OSBPL1A: variants seen among roughly 807,000 people sequenced by gnomAD.
OSBPL1A encodes oxysterol-binding protein-related protein 1.
In OSBPL1A, 80 loss-of-function variants were observed where a neutral mutation model predicts 137.1. That is an observed-to-expected ratio of 0.58 (90% CI 0.49 to 0.70). The LOEUF (loss-of-function observed/expected upper bound fraction) is 0.70. OSBPL1A is among the 30% of genes least tolerant of loss of function. OSBPL1A has a pLI of 0.00. For missense variants in OSBPL1A, 970 were observed against 1,129.4 expected, an observed-to-expected ratio of 0.86 and a Z score of 2.02; for synonymous variants, 365 against 389.7, an observed-to-expected ratio of 0.94 and a Z score of 0.75.
In OSBPL1A at chr18:24,164,720, A is replaced by G. The variant is rs567437556; in HGVS notation, c.2750+345T>C. ...TGGGATTACAGACGTGAGCCACTGC[A>G]CCCCGCCAGAGATTTCTTAAAAAAA... is the stretch of plus-strand genomic sequence containing the variant. On this transcript the variant is annotated intron_variant, in intron 27 of 27. Transcript: ENST00000319481. Among the ~76,000 whole-genome samples, 8 of 151,776 alleles carry G rather than the reference A, an allele frequency of 5.3e-5. No individual in the cohort carries two copies. The South Asian group carries it at 1.0e-3, about 20-fold the overall frequency.
At chr18:24,209,962 CT>C (rs2145965809) in intron 17 of OSBPL1A, among the ~76,000 whole-genome samples, 1 of 152,272 alleles carries the variant, frequency 6.6e-6, no homozygotes, top group Admixed American at 6.5e-5. Flanking sequence ...GTCCATGCAC[CT>C]GACAAAACTC....
At chr18:24,164,420 G>GTTTTTTT (rs35343209) in intron 27 of OSBPL1A, among the ~76,000 whole-genome samples, 2 of 95,972 alleles carry the variant, frequency 2.1e-5, no homozygotes, top group African/African-American at 4.7e-5. Context: ...GAGATTTTTG[G>GTTTTTTT]TTTTTTTTTT....
At chr18:24,253,340 A>G (rs945033176) in intron 15 of OSBPL1A, among the ~76,000 whole-genome samples, 2 of 152,192 alleles carry the variant, frequency 1.3e-5, no homozygotes, top group Non-Finnish European at 2.9e-5. Context: ...ATATCAGACA[A>G]AACAGATTCC....
At chr18:24,180,878 C>T (rs926159969) in intron 19 of OSBPL1A, among the ~76,000 whole-genome samples, 3 of 152,088 alleles carry the variant, frequency 2.0e-5, no homozygotes, top group African/African-American at 7.2e-5. Context: ...CTCTGTCTCA[C>T]ACACACACAA....
chr18:24,288,091 G>C (rs1042838378), intron 14 of OSBPL1A, among the ~76,000 whole-genome samples: 2 of 152,246 alleles, frequency 1.3e-5, no homozygotes, highest in Non-Finnish European at 2.9e-5. Flanking sequence ...AGAGTGGCTA[G>C]TGCTATGGTA....
At chr18:24,313,554 G>A (rs35784877) in intron 12 of OSBPL1A, among the ~76,000 whole-genome samples, 20,351 of 152,094 alleles carry the variant, frequency 0.13, 1,432 homozygotes, top group South Asian at 0.16. Context: ...CCATTGTAAT[G>A]AGTGTCAGAA....
At position 24,333,063 on chromosome 18, in the gene OSBPL1A, A is replaced by T. The variant is rs760945235; in HGVS notation, c.504T>A (p.Asp168Glu). The change falls in exon 7 of 28, where the codon GAT (aspartate) becomes GAA (glutamate). Residue 168 changes from aspartate (D) to glutamate (E), a missense_variant. By Grantham distance (45) the Asp-to-Glu change is conservative. Around this residue, in one of 2 missense-constraint regions of OSBPL1A, gnomAD observed 647 missense variants for 672.6 expected, o/e 0.96. Transcript: ENST00000319481. ...TTCCTAACTGATCCGAACAGTTAAC[A>T]TCAGGAGGATTGGGCCTGTTGAGCT... ...TALLNRPNPPDVNCSDQLGNT... is the reference protein window; with the variant it reads ...TALLNRPNPPEVNCSDQLGNT... 1.2e-6 allele frequency: 2 copies of T among 1,614,146 alleles called. No individual in the cohort carries two copies. The highest frequency in any genetic ancestry group is 1.7e-5 in the Admixed American group (1 of 60,018).
chr18:24,284,862 C>T (rs893439778), intron 14 of OSBPL1A, among the ~76,000 whole-genome samples: 4 of 152,172 alleles, frequency 2.6e-5, no homozygotes, highest in African/African-American at 9.7e-5. Context: ...TATTTTCTTT[C>T]AAGGCCTAGT....
rs370305202 is a variant in OSBPL1A, at chr18:24,341,602, A to G, written c.339T>C (p.Ser113=). ...YNADTTIVNG[S]GQTAKEVTHA... Reference sequence around the variant, plus strand: ...GAGTAACTTCTTTTGCTGTCTGTCCACTCCCATTAACAATAGTAGTATCAG... The same window carrying G: ...GAGTAACTTCTTTTGCTGTCTGTCCGCTCCCATTAACAATAGTAGTATCAG... Residue 113 remains serine, a synonymous_variant, in exon 5 of 28, where the codon AGT becomes AGC. Transcript: ENST00000319481. 1.1e-5 allele frequency: 17 copies of G among 1,613,098 alleles called. No homozygotes were observed. In the East Asian group the frequency reaches 1.1e-4, roughly 11 times the overall value.
intron 14 of OSBPL1A, among the ~76,000 whole-genome samples, chr18:24,284,607 A>C (rs962076797): frequency 2.1e-5 from 3 of 140,106 alleles, no homozygotes; most frequent in African/African-American, 7.8e-5. Context: ...TGTACAGACA[A>C]CCTCCACTGT....
chr18:24,198,794 G>A (rs1005324222), intron 17 of OSBPL1A, among the ~76,000 whole-genome samples: 7 of 151,886 alleles, frequency 4.6e-5, no homozygotes, highest in African/African-American at 9.7e-5. Context: ...CAGGCAGAGC[G>A]TTCCCGAGGG....
intron 13 of OSBPL1A, 123 bp downstream of exon 13, chr18:24,311,861 A>G: frequency 9.1e-7 from 1 of 1,103,780 alleles, no homozygotes; most frequent in Middle Eastern, 2.9e-4. Flanking sequence ...AGTGAAGAAC[A>G]GTACTATTTC....
At chr18:24,347,280 G>A (rs1183638908) in intron 4 of OSBPL1A, among the ~76,000 whole-genome samples, 8 of 152,056 alleles carry the variant, frequency 5.3e-5, no homozygotes, top group Admixed American at 1.3e-4. Context: ...AGCTTCAAGC[G>A]ATTCTCCTGC....
intron 26 of OSBPL1A, among the ~76,000 whole-genome samples, chr18:24,165,900 C>A (rs2145902545): frequency 6.6e-6 from 1 of 152,280 alleles, no homozygotes; most frequent in South Asian, 2.1e-4. Context: ...GGTCCAAGAC[C>A]AACCTGGCCA....
intron 4 of OSBPL1A, among the ~76,000 whole-genome samples, chr18:24,348,707 G>A (rs1307664471): frequency 8.5e-5 from 13 of 152,168 alleles, no homozygotes; most frequent in Non-Finnish European, 1.9e-4. Context: ...CTGGGAGGTA[G>A]AGGTTGCAGT....
chr18:24,250,258 CCT>C (rs1485076320), intron 15 of OSBPL1A, among the ~76,000 whole-genome samples: 2 of 151,512 alleles, frequency 1.3e-5, no homozygotes, highest in Non-Finnish European at 2.9e-5. Context: ...CTCACTGCAA[CCT>C]CTCTTTCCTG....
chr18:24,351,770 C>A (rs774765174), intron 4 of OSBPL1A, among the ~76,000 whole-genome samples: 1 of 152,154 alleles, frequency 6.6e-6, no homozygotes, highest in Non-Finnish European at 1.5e-5. Context: ...GAACTCCTGA[C>A]CTCAGGTGAT....
At chr18:24,352,076 G>A (rs2091449881) in intron 4 of OSBPL1A, among the ~76,000 whole-genome samples, 1 of 152,276 alleles carries the variant, frequency 6.6e-6, no homozygotes, top group East Asian at 1.9e-4. Context: ...GGGAGGCTCA[G>A]GCAGGGATCA....
chr18:24,355,871 G>A (rs1451625966), intron 4 of OSBPL1A, among the ~76,000 whole-genome samples: 1 of 151,710 alleles, frequency 6.6e-6, no homozygotes, highest in Admixed American at 6.6e-5. Context: ...TGTAATCCCA[G>A]CTACTCAAGA....
Sources: gnomAD v4.1 joint callset for allele counts (sites outside exome capture counted in the v4.1 genomes callset) on GRCh38, gnomAD v4.1.1 for gene constraint, gnomAD v4.1.1 regional missense constraint, MANE v1.5 for transcripts, NCBI Gene and HGNC (gene_info 2026-07-23, HGNC 2026-07-21) for gene names.